The following ACAP2 variants were observed in gnomAD, a reference collection of about 807,000 sequenced individuals.
ACAP2 encodes ArfGAP with coiled-coil, ankyrin repeat and PH domains 2.
In ACAP2, 39 loss-of-function variants were observed where a neutral mutation model predicts 115.8. The ratio of observed to expected loss-of-function variants is 0.34; its 90% confidence interval spans 0.26 to 0.44. The LOEUF (loss-of-function observed/expected upper bound fraction) is 0.44, where lower values mean the gene tolerates loss of function less well. Ranked by LOEUF, ACAP2 falls within the 20% of genes least tolerant of loss-of-function variation. ACAP2 has a pLI of 1.00. For synonymous variants in ACAP2, 289 were observed against 315.8 expected, an observed-to-expected ratio of 0.92 and a Z score of 0.90; for missense variants, 662 against 927.6, an observed-to-expected ratio of 0.71 and a Z score of 3.72.
intron 4 of ACAP2, among the ~76,000 whole-genome samples, chr3:195,360,807 A>G (rs1420506934): frequency 6.7e-6 from 1 of 149,208 alleles, no homozygotes; most frequent in East Asian, 1.9e-4. Flanking sequence ...CAAAAAAATA[A>G]AAAAAAAAGG....
At position 195,409,936 on chromosome 3, in the gene ACAP2, A is replaced by C. The variant is rs147254862; in HGVS notation, c.54-17789T>G. Among the ~76,000 whole-genome samples, 872 of 151,492 alleles carry C rather than the reference A, an allele frequency of 5.8e-3. 9 individuals carry two copies. Among genetic ancestry groups the C allele is most frequent in the African/African-American group, 0.02 (832 of 41,316 alleles). The stretch of plus-strand genomic sequence containing the variant: ...AATAGAAAAACCTATCCTAAAATTC[A>C]TATGAAATCTCAAGGGACAATGGAT... On this transcript the variant is annotated intron_variant, in intron 1 of 22. Coordinates refer to ENST00000326793, the MANE Select transcript of ACAP2 (RefSeq NM_012287.6).
intron 1 of ACAP2, among the ~76,000 whole-genome samples, chr3:195,421,489 C>G (rs1185212060): frequency 6.6e-6 from 1 of 152,158 alleles, no homozygotes; most frequent in Non-Finnish European, 1.5e-5. Context: ...CACCTGTCGC[C>G]AGGATACAGC....
intron 4 of ACAP2, among the ~76,000 whole-genome samples, chr3:195,377,270 G>A (rs1433476709): frequency 1.3e-5 from 2 of 149,112 alleles, no homozygotes; most frequent in African/African-American, 5.0e-5. Context: ...TCAGCCTCCT[G>A]AGTAGCTGGG....
chr3:195,279,002 C>A lies in ACAP2; in HGVS notation c.*326G>T, dbSNP rs1390835066. ...GATGCATGGAGGAAAAAAATCAATG[C>A]CACCACCCATTGGCAAAAGAATCAC... On this transcript the variant is annotated 3_prime_UTR_variant, in exon 23 of 23. Coordinates refer to ENST00000326793, the MANE Select transcript of ACAP2 (RefSeq NM_012287.6). 5.5e-6 allele frequency: 1 copy of A among 181,174 alleles called. No homozygotes were observed. The highest frequency in any genetic ancestry group is 2.4e-5 in the African/African-American group (1 of 42,162). The allele number at this position is 181,174 out of a possible 1,614,324, so 11.2% of individuals were successfully genotyped here.
At chr3:195,367,052 C>CAAAAA (rs35590029) in intron 4 of ACAP2, among the ~76,000 whole-genome samples, 38 of 76,222 alleles carry the variant, frequency 5.0e-4, no homozygotes, top group African/African-American at 1.7e-3. Flanking sequence ...CCAACCCCGC[C>CAAAAA]AAAAAAAAAA....
At chr3:195,365,517 T>C (rs1732655632) in intron 4 of ACAP2, among the ~76,000 whole-genome samples, 1 of 152,000 alleles carries the variant, frequency 6.6e-6, no homozygotes, top group Non-Finnish European at 1.5e-5. Flanking sequence ...AGCAGTGCTA[T>C]GATCATGCCC....
At chr3:195,290,967 T>C (rs925081649) in intron 20 of ACAP2, among the ~76,000 whole-genome samples, 4 of 152,024 alleles carry the variant, frequency 2.6e-5, no homozygotes, top group African/African-American at 9.7e-5. Context: ...TGAGCTATGA[T>C]TGCACCAGTG....
At chr3:195,336,231 G>A (rs1184110444) in intron 7 of ACAP2, 1 of 132,896 alleles carries the variant, frequency 7.5e-6, no homozygotes, top group East Asian at 2.0e-4. Context: ...CAAAAATAGG[G>A]CTCCCCACCG....
intron 1 of ACAP2, among the ~76,000 whole-genome samples, chr3:195,428,384 A>G (rs1440748569): frequency 6.6e-6 from 1 of 151,608 alleles, no homozygotes; most frequent in Non-Finnish European, 1.5e-5. Context: ...AGGTCTATAC[A>G]TATATATACA....
chr3:195,350,237 G>A (rs1272741782), intron 4 of ACAP2, among the ~76,000 whole-genome samples: 1 of 152,098 alleles, frequency 6.6e-6, no homozygotes, highest in African/African-American at 2.4e-5. Flanking sequence ...AAAGTTATAT[G>A]AAAACATAAA....
chr3:195,312,679 A>T lies in ACAP2; in HGVS notation c.858-3842T>A, dbSNP rs551202284. Among the ~76,000 whole-genome samples, 63 of 152,322 alleles carry T rather than the reference A, an allele frequency of 4.1e-4. No individual in the cohort carries two copies. In the Middle Eastern group the frequency reaches 0.017, roughly 41 times the overall value. On this transcript the variant is annotated intron_variant, in intron 10 of 22. Coordinates refer to ENST00000326793, the MANE Select transcript of ACAP2 (RefSeq NM_012287.6). ...TAAGATATGTTTAAAAAAAAAAGTA[A>T]ATTACTCAATCTGTATCTTCTTTGG...
At chr3:195,425,711 TC>T (rs1027908319) in intron 1 of ACAP2, among the ~76,000 whole-genome samples, 1 of 152,188 alleles carries the variant, frequency 6.6e-6, no homozygotes, top group Admixed American at 6.5e-5. Context: ...AACCTATTCT[TC>T]CCTTGTCTTC....
chr3:195,412,762 AAG>A (rs1313231845), intron 1 of ACAP2: 2 of 342,028 alleles, frequency 5.8e-6, no homozygotes, highest in Admixed American at 6.7e-5. Context: ...CCTTTGAAAT[AAG>A]TAGTAATTTA....
At chr3:195,303,218 G>A (rs550818652) in intron 13 of ACAP2, among the ~76,000 whole-genome samples, 42 of 149,932 alleles carry the variant, frequency 2.8e-4, no homozygotes, top group Admixed American at 3.3e-4. Flanking sequence ...GTGAGACTCC[G>A]TCATATGAGC....
chr3:195,310,289 A>C (rs1728678665), intron 10 of ACAP2, among the ~76,000 whole-genome samples: 2 of 152,224 alleles, frequency 1.3e-5, no homozygotes, highest in Admixed American at 1.3e-4. Context: ...TTAAATAAGC[A>C]TCTAGATAAA....
intron 6 of ACAP2, among the ~76,000 whole-genome samples, chr3:195,341,321 G>GTTTTTTTT (rs377628235): frequency 1.0e-4 from 11 of 107,066 alleles, no homozygotes; most frequent in Non-Finnish European, 1.4e-4. Context: ...TATTGTGTGG[G>GTTTTTTTT]TTTTTTTTTT....
intron 4 of ACAP2, among the ~76,000 whole-genome samples, chr3:195,364,285 T>C (rs1332579402): frequency 6.6e-6 from 1 of 152,132 alleles, no homozygotes; most frequent in Non-Finnish European, 1.5e-5. Flanking sequence ...GCAAAATATC[T>C]GAATAGACGT....
At chr3:195,380,946 C>T (rs1369704988) in intron 4 of ACAP2, 63 bp downstream of exon 4, 7 of 1,394,918 alleles carry the variant, frequency 5.0e-6, no homozygotes, top group South Asian at 2.6e-5. Context: ...TAAAACATTG[C>T]GACTCAAGAA....
chr3:195,422,800 A>T lies in ACAP2; in HGVS notation c.53+19995T>A, dbSNP rs575779887. 3.3e-5 allele frequency among the ~76,000 whole-genome samples: 5 copies of T among 152,258 alleles called. No homozygotes were observed. The South Asian group carries it at 1.0e-3, about 32-fold the overall frequency. On this transcript the variant is annotated intron_variant, in intron 1 of 22. Transcript: ENST00000326793. Reference sequence around the variant, plus strand: ...CTCCAAAATCCTTAACATGACATAAAATATCTTGCATGATTTGGCCCTTCT... The same window carrying T: ...CTCCAAAATCCTTAACATGACATAATATATCTTGCATGATTTGGCCCTTCT...
Sources: gnomAD v4.1 joint callset for allele counts (sites outside exome capture counted in the v4.1 genomes callset) on GRCh38, gnomAD v4.1.1 for gene constraint, MANE v1.5 for transcripts, NCBI Gene and HGNC (gene_info 2026-07-23, HGNC 2026-07-21) for gene names.